MYO7B: variants seen among roughly 807,000 people sequenced by gnomAD.
MYO7B encodes the protein unconventional myosin-VIIb.
In MYO7B, 212 loss-of-function variants were observed where a neutral mutation model predicts 259.7. The ratio of observed to expected loss-of-function variants is 0.82; its 90% CI spans 0.73 to 0.91. The LOEUF (loss-of-function observed/expected upper bound fraction) is 0.91, where lower values mean the gene tolerates loss of function less well. Ranked by LOEUF, MYO7B falls within the 40% of genes least tolerant of loss-of-function variation. MYO7B has a pLI of 0.00. For missense variants in MYO7B, 2,732 were observed against 2,813.5 expected, an observed-to-expected ratio of 0.97 and a Z score of 0.66; for synonymous variants, 1,197 against 1,166.4, an observed-to-expected ratio of 1.03 and a Z score of -0.54.
intron 9 of MYO7B, among the ~76,000 whole-genome samples, chr2:127,579,262 T>A (rs187665869): frequency 7.9e-5 from 12 of 152,302 alleles, no homozygotes; most frequent in African/African-American, 2.9e-4. Flanking sequence ...ATAGGGCTGG[T>A]TCCAGAACTA....
intron 42 of MYO7B, 147 bp downstream of exon 42, chr2:127,634,830 G>T: frequency 2.6e-6 from 2 of 768,382 alleles, no homozygotes; most frequent in Non-Finnish European, 4.3e-6. Context: ...CCTGGGGCCC[G>T]GCGGTGAGGG....
At chr2:127,637,282 C>T in intron 47 of MYO7B, 34 bp from the exon 48 acceptor site, 1 of 1,488,908 alleles carries the variant, frequency 6.7e-7, no homozygotes, top group Non-Finnish European at 9.0e-7. Flanking sequence ...GCCCTCTGCA[C>T]CCACAGCCTC....
chr2:127,623,949 C>T (rs548253763), intron 29 of MYO7B, 144 bp from the exon 30 acceptor site: 58 of 689,004 alleles, frequency 8.4e-5, no homozygotes, highest in African/African-American at 5.8e-4. Context: ...GGTGTCCACA[C>T]GGGCTCAGCA....
At position 127,615,625 on chromosome 2, in the gene MYO7B, G is replaced by A. The variant is rs957846875; in HGVS notation, c.3398+3022G>A. 1.3e-5 allele frequency among the ~76,000 whole-genome samples: 2 copies of A among 152,022 alleles called. No individual in the cohort carries two copies. The highest frequency in any genetic ancestry group is 4.8e-5 in the African/African-American group (2 of 41,378). On this transcript the variant is annotated intron_variant, in intron 26 of 47. Coordinates refer to ENST00000409816, the MANE Select transcript of MYO7B (RefSeq NM_001393586.1). This position sits in a 1 kb window ranked among gnomAD's most constrained non-coding sequence, Gnocchi z 4.4. ...CACAAGAAACACTTGTGCCTGGGTC[G>A]TGACTGCCCTCAGCATTCCTTCTGG...
Position 127,607,512 on chromosome 2 carries a change from A to C in MYO7B, c.2643+88A>C. The C allele has an allele frequency of 1.7e-6, 2 of 1,191,662 alleles. No individual in the cohort carries two copies. The highest frequency in any genetic ancestry group is 1.5e-5 in the African/African-American group (1 of 65,500). 73.8% of individuals were successfully genotyped at this position (1,191,662 alleles called of 1,614,324 possible). A position where few individuals can be genotyped will look rare whatever the true frequency, so the allele number is the denominator to read the frequency against. On this transcript the variant is annotated intron_variant, in intron 21 of 47. Coordinates refer to ENST00000409816, the MANE Select transcript of MYO7B (RefSeq NM_001393586.1). The surrounding 1 kb of genome is among the most constrained non-coding windows in gnomAD (Gnocchi z 4.4). ...AGAAGGAGTGAGCGGCTGTGTAGAG[A>C]GCTCACCAGAAGCGCTTTGGAAAAT... is the stretch of plus-strand genomic sequence containing the variant.
chr2:127,552,529 C>T (rs547791913), intron 1 of MYO7B, among the ~76,000 whole-genome samples: 65 of 152,214 alleles, frequency 4.3e-4, no homozygotes, highest in Admixed American at 3.7e-3. Flanking sequence ...AGTGGGGGCC[C>T]CTAGGGCTGG....
At position 127,631,341 on chromosome 2, in the gene MYO7B, C is replaced by G; in HGVS notation, c.5073C>G (p.Asp1691Glu). ...KRVHANVDLW[D>E]IACQIFVAIL... ...TCCACGCCAACGTCGACCTCTGGGA[C>G]ATCGCCTGCCAGATCTTTGTCGATA... is the stretch of plus-strand genomic sequence containing the variant. The change falls in exon 37 of 48, where the codon GAC becomes GAG. Residue 1691 changes from aspartate (D) to glutamate (E), a missense_variant. Transcript: ENST00000409816. 6.2e-7 allele frequency: 1 copy of G among 1,609,466 alleles called. No homozygotes were observed.
At chr2:127,629,861 AC>A in intron 35 of MYO7B, 35 bp downstream of exon 35, 1 of 1,521,584 alleles carries the variant, frequency 6.6e-7, no homozygotes, top group Non-Finnish European at 8.8e-7. Context: ...CAGCCTGGGT[AC>A]CCGAGGTCAG....
At chr2:127,619,079 G>GGGCTGGTTGGGTTGTGGA in intron 26 of MYO7B, among the ~76,000 whole-genome samples, 1 of 133,116 alleles carries the variant, frequency 7.5e-6, no homozygotes, top group Non-Finnish European at 1.6e-5. Context: ...TGGGTTGTGG[G>GGGCTGGTTGGGTTGTGGA]GGCTGGTTGG....
rs1156252503 is a variant in MYO7B at position 127,559,649 on chromosome 2, C to T, written c.-23-51C>T. 1.3e-6 allele frequency: 2 copies of T among 1,567,740 alleles called. No homozygotes were observed. The highest frequency in any genetic ancestry group is 1.8e-6 in the Non-Finnish European group (2 of 1,138,176). Reference sequence around the variant, plus strand: ...GCCCAGCTCCTGTGCTCCAGGGGCTCCTATTGGGGCTGTGTATGGAGCTGA... The same window carrying T: ...GCCCAGCTCCTGTGCTCCAGGGGCTTCTATTGGGGCTGTGTATGGAGCTGA... On this transcript the variant is annotated intron_variant, in intron 1 of 47. Transcript: ENST00000409816. The surrounding 1 kb of genome is among the most constrained non-coding windows in gnomAD (Gnocchi z 4.1).
rs1681551816 is a variant in MYO7B at position 127,632,175 on chromosome 2, G to A, written c.5250-71G>A. 5 of 1,522,534 alleles carry A rather than the reference G, an allele frequency of 3.3e-6. No homozygotes were observed. In the Admixed American group the frequency reaches 6.4e-5, roughly 19 times the overall value. 94.3% of individuals were successfully genotyped at this position (1,522,534 alleles called of 1,614,324 possible). A position where few individuals can be genotyped will look rare whatever the true frequency, so the allele number is the denominator to read the frequency against. ...CCAGGCAGCTCTCACATCCGTCCCT[G>A]CTCCCCAAGGTGCCTGCCTGGCCAG... On this transcript the variant is annotated intron_variant, in intron 38 of 47. Transcript: ENST00000409816.
chr2:127,621,717 C>A (rs575877013), intron 27 of MYO7B, among the ~76,000 whole-genome samples: 1 of 152,324 alleles, frequency 6.6e-6, no homozygotes, highest in African/African-American at 2.4e-5. Context: ...CCATCACAAT[C>A]AAAAACCACA....
At position 127,628,128 on chromosome 2, in the gene MYO7B, T is replaced by C; in HGVS notation, c.4461-244T>C. On this transcript the variant is annotated intron_variant, in intron 33 of 47. Coordinates refer to ENST00000409816, the MANE Select transcript of MYO7B (RefSeq NM_001393586.1). The surrounding 1 kb of genome is among the most constrained non-coding windows in gnomAD (Gnocchi z 4.8). The stretch of plus-strand genomic sequence containing the variant: ...TGTCACTGCACACCAGCCACCTCAT[T>C]ATCTGCCCACAGCCAACCCCACACA... 1.5e-6 allele frequency: 1 copy of C among 657,626 alleles called. No homozygotes were observed. The highest frequency in any genetic ancestry group is 3.1e-5 in the East Asian group (1 of 32,682). 40.7% of individuals were successfully genotyped at this position (657,626 alleles called of 1,614,324 possible). A position where few individuals can be genotyped will look rare whatever the true frequency, so the allele number is the denominator to read the frequency against.
chr2:127,631,822 G>T, intron 38 of MYO7B, 69 bp downstream of exon 38: 1 of 1,547,626 alleles, frequency 6.5e-7, no homozygotes. Context: ...AGGCCAGACC[G>T]AGGCTCAGAG....
Position 127,593,460 on chromosome 2 carries a change from G to A in MYO7B, c.2146-86G>A, listed in dbSNP as rs1573667124. The A allele has an allele frequency of 1.4e-5, 19 of 1,313,106 alleles. No individual in the cohort carries two copies. In the East Asian group the frequency reaches 4.5e-4, roughly 31 times the overall value. 81.3% of individuals were successfully genotyped at this position (1,313,106 alleles called of 1,614,324 possible). On this transcript the variant is annotated intron_variant, in intron 17 of 47. Coordinates refer to ENST00000409816, the MANE Select transcript of MYO7B (RefSeq NM_001393586.1). The stretch of plus-strand genomic sequence containing the variant: ...GCAGCCCCTGATGGGGGAGCCTGTG[G>A]GAGAAGGAGGGAGACACCACCCCCA...
chr2:127,574,087 G>A, intron 7 of MYO7B, 25 bp downstream of exon 7: 9 of 1,612,950 alleles, frequency 5.6e-6, no homozygotes, highest in South Asian at 1.1e-5. Context: ...TTCCCAGGTC[G>A]GGAGTTGAGG....
Position 127,613,764 on chromosome 2 carries a change from C to G in MYO7B, c.3398+1161C>G, listed in dbSNP as rs1218188848. 1.3e-5 allele frequency among the ~76,000 whole-genome samples: 2 copies of G among 152,210 alleles called. No homozygotes were observed. Among genetic ancestry groups the G allele is most frequent in the African/African-American group, 4.8e-5 (2 of 41,456 alleles). ...TTAGGAGGCAACTACCTTGGCTGGA[C>G]TCAAACTCTGTCTCCTCCATGATGA... is the stretch of plus-strand genomic sequence containing the variant. On this transcript the variant is annotated intron_variant, in intron 26 of 47. Transcript: ENST00000409816. The surrounding 1 kb of genome is among the most constrained non-coding windows in gnomAD (Gnocchi z 4.3).
Position 127,607,411 on chromosome 2 carries a change from A to T in MYO7B, c.2630A>T (p.Gln877Leu), listed in dbSNP as rs1573684486. 1 of 1,550,928 alleles carries T rather than the reference A, an allele frequency of 6.4e-7. No homozygotes were observed. The part of the protein sequence containing the change: ...RGMAARRNFQ[Q>L]RKANAPLVIP... Reference sequence around the variant, plus strand: ...ATGGCTGCCCGGCGCAACTTCCAGCAAAGGAAGGCCAATGTAGGTGGTCAC... The same window carrying T: ...ATGGCTGCCCGGCGCAACTTCCAGCTAAGGAAGGCCAATGTAGGTGGTCAC... Residue 877 changes from glutamine (Q) to leucine (L), a missense_variant, in exon 21 of 48, where the codon CAA (glutamine) becomes CTA (leucine). Gln to Leu is a moderately radical substitution (Grantham distance 113). Coordinates refer to ENST00000409816, the MANE Select transcript of MYO7B (RefSeq NM_001393586.1). The surrounding 1 kb of genome is among the most constrained non-coding windows in gnomAD (Gnocchi z 4.4).
At position 127,636,718 on chromosome 2, in the gene MYO7B, C is replaced by T. The variant is rs1164732109; in HGVS notation, c.6208-76C>T. On this transcript the variant is annotated intron_variant, in intron 46 of 47. Transcript: ENST00000409816. This position sits in a 1 kb window ranked among gnomAD's most constrained non-coding sequence, Gnocchi z 4.5. Reference sequence around the variant, plus strand: ...GCAGTCATCTCTGCGGTGTGTCCTGCCTCTCTCCTGTCCCCTAACACACAC... The same window carrying T: ...GCAGTCATCTCTGCGGTGTGTCCTGTCTCTCTCCTGTCCCCTAACACACAC... 15 of 1,610,248 alleles carry T rather than the reference C, an allele frequency of 9.3e-6. No homozygotes were observed. In the East Asian group the frequency reaches 1.3e-4, roughly 14 times the overall value.
Sources: gnomAD v4.1 joint callset for allele counts (sites outside exome capture counted in the v4.1 genomes callset) on GRCh38, gnomAD v4.1.1 for gene constraint, Gnocchi (gnomAD v3.1) non-coding constraint, MANE v1.5 for transcripts, NCBI Gene and HGNC (gene_info 2026-07-23, HGNC 2026-07-21) for gene names.